ST8SIA6: variants seen among roughly 807,000 people sequenced by gnomAD.
ST8SIA6 encodes alpha-2,8-sialyltransferase 8F.
Under a neutral mutation model 33.6 loss-of-function variants are expected in ST8SIA6, and 39 were observed. That is an observed-to-expected ratio of 1.16 (90% CI 0.90 to 1.52). The LOEUF (loss-of-function observed/expected upper bound fraction) is 1.52, where lower values mean the gene tolerates loss of function less well. ST8SIA6 is among the 40% of genes most tolerant of loss of function. ST8SIA6 has a pLI of 0.00. For synonymous variants in ST8SIA6, 172 were observed against 167.2 expected (o/e 1.03, Z -0.22); for missense variants, 441 against 443.8 (o/e 0.99, Z 0.06).
At chr10:17,420,893 ATCT>A (rs995414962) in intron 2 of ST8SIA6, among the ~76,000 whole-genome samples, 7 of 152,212 alleles carry the variant, frequency 4.6e-5, no homozygotes, top group African/African-American at 1.4e-4. Context: ...AAGCTGGCAC[ATCT>A]TCTAACAGGG....
At chr10:17,362,698 A>T (rs1231238952) in intron 3 of ST8SIA6, among the ~76,000 whole-genome samples, 1 of 152,054 alleles carries the variant, frequency 6.6e-6, no homozygotes, top group Non-Finnish European at 1.5e-5. Flanking sequence ...TGTTTTCATT[A>T]ACCTAGGAAA....
At chr10:17,402,691 G>A (rs553775657) in intron 2 of ST8SIA6, among the ~76,000 whole-genome samples, 14 of 151,948 alleles carry the variant, frequency 9.2e-5, no homozygotes, top group East Asian at 3.9e-4. Context: ...ACCAAACACC[G>A]CATGTTCTCA....
intron 4 of ST8SIA6, among the ~76,000 whole-genome samples, chr10:17,334,833 AC>A (rs1401385786): frequency 6.6e-6 from 1 of 152,040 alleles, no homozygotes; most frequent in African/African-American, 2.4e-5. Context: ...ATCTGAGTTA[AC>A]CCCCAACCTC....
intron 4 of ST8SIA6, among the ~76,000 whole-genome samples, chr10:17,344,755 C>T (rs913995590): frequency 1.3e-5 from 2 of 152,168 alleles, no homozygotes; most frequent in African/African-American, 4.8e-5. Flanking sequence ...CCAAATCCCT[C>T]CCTCGCAAGG....
intron 3 of ST8SIA6, among the ~76,000 whole-genome samples, chr10:17,371,395 CG>C (rs983553781): frequency 3.9e-5 from 6 of 152,062 alleles, no homozygotes; most frequent in Admixed American, 2.6e-4. Flanking sequence ...AATGAGGTCC[CG>C]GATGGATGAG....
intron 3 of ST8SIA6, among the ~76,000 whole-genome samples, chr10:17,374,071 C>CACACACA (rs1225769260): frequency 2.9e-4 from 41 of 139,100 alleles, no homozygotes; most frequent in East Asian, 4.2e-4. Context: ...TCAACAACCA[C>CACACACA]CACACACACA....
At chr10:17,434,627 G>A (rs45443400) in intron 2 of ST8SIA6, among the ~76,000 whole-genome samples, 148 of 152,180 alleles carry the variant, frequency 9.7e-4, no homozygotes, top group Non-Finnish European at 1.8e-3. Context: ...TGAATGAGGC[G>A]GATGTGCTTA....
Position 17,453,571 on chromosome 10 carries a change from C to A in ST8SIA6, c.188G>T (p.Arg63Leu). Reference sequence around the variant, plus strand: ...GGCGCCGCTGTACCTGTTAGTGGCGCGCGGTACCGCGGTCGCCGGGCTCCG... The same window carrying A: ...GGCGCCGCTGTACCTGTTAGTGGCGAGCGGTACCGCGGTCGCCGGGCTCCG... ...TLRSPATAVP[R>L]ATNSTYLNEK... Residue 63 changes from arginine (R) to leucine (L), a missense_variant, in exon 2 of 8, where the codon CGC (arginine) becomes CTC (leucine). Arg to Leu is a moderately radical substitution (Grantham distance 102, BLOSUM62 -2). Transcript: ENST00000377602. 7.6e-7 allele frequency: 1 copy of A among 1,319,482 alleles called. No individual in the cohort carries two copies. The highest frequency in any genetic ancestry group is 9.7e-7 in the Non-Finnish European group (1 of 1,027,088). The allele number at this position is 1,319,482 out of a possible 1,614,324, so 81.7% of individuals were successfully genotyped here.
At position 17,342,843 on chromosome 10, in the gene ST8SIA6, G is replaced by A. The variant is rs1181504683; in HGVS notation, c.378-11291C>T. 4.6e-5 allele frequency among the ~76,000 whole-genome samples: 7 copies of A among 152,266 alleles called. 1 individual carries two copies. Among genetic ancestry groups the A allele is most frequent in the Admixed American group, 3.3e-4 (5 of 15,294 alleles). On this transcript the variant is annotated intron_variant, in intron 4 of 7. Transcript: ENST00000377602. ...GGGTGCCTGTAGTCCCAGCTACTCA[G>A]GAGGCTGAGGTGGGAGGATCGCTTG...
At chr10:17,390,426 G>A (rs895095889) in intron 3 of ST8SIA6, 105 bp downstream of exon 3, 3 of 964,364 alleles carry the variant, frequency 3.1e-6, no homozygotes, top group South Asian at 1.6e-5. Context: ...GTAAGCCTGA[G>A]AGTGAACAGT....
At chr10:17,324,366 C>T (rs1464443902) in intron 6 of ST8SIA6, among the ~76,000 whole-genome samples, 3 of 151,836 alleles carry the variant, frequency 2.0e-5, no homozygotes, top group Non-Finnish European at 4.4e-5. Flanking sequence ...AAATACGGCA[C>T]CTTGGTAAAA....
At chr10:17,446,468 G>T (rs994106399) in intron 2 of ST8SIA6, among the ~76,000 whole-genome samples, 3 of 152,168 alleles carry the variant, frequency 2.0e-5, no homozygotes, top group Non-Finnish European at 4.4e-5. Flanking sequence ...ATACAGTAAG[G>T]TTCAGGCTGA....
At chr10:17,386,918 C>A (rs1333994186) in intron 3 of ST8SIA6, 3 of 152,304 alleles carry the variant, frequency 2.0e-5, no homozygotes, top group Admixed American at 6.5e-5. Context: ...AGCCGCCTTG[C>A]GCCTTGGGAC....
chr10:17,350,329 G>A (rs925603049), intron 4 of ST8SIA6, among the ~76,000 whole-genome samples: 3 of 152,148 alleles, frequency 2.0e-5, no homozygotes, highest in African/African-American at 7.2e-5. Flanking sequence ...AAATAAAATC[G>A]AGATGGCATG....
rs756588667 is a variant in ST8SIA6, at chr10:17,331,428, T to C, written c.502A>G (p.Ile168Val). 21 of 1,613,026 alleles carry C rather than the reference T, an allele frequency of 1.3e-5. No homozygotes were observed. The Admixed American group carries it at 1.7e-4, about 13-fold the overall frequency. Residue 168 changes from isoleucine (I) to valine (V), a missense_variant, in exon 5 of 8, where the codon ATT (isoleucine) becomes GTT (valine). Ile to Val is a conservative substitution (Grantham distance 29). Transcript: ENST00000377602. Reference sequence around the variant, plus strand: ...CTCACCACTGGAAACATATGAAAAATGTTCTTCTTAATTGGGATTTCTTTT... The same window carrying C: ...CTCACCACTGGAAACATATGAAAAACGTTCTTCTTAATTGGGATTTCTTTT... ...SKKEIPIKKN[I>V]FHMFPVSQPF...
chr10:17,453,564 A>G lies in ST8SIA6; in HGVS notation c.195T>C (p.Thr65=). 1 of 1,327,758 alleles carries G rather than the reference A, an allele frequency of 7.5e-7. No homozygotes were observed. Among genetic ancestry groups the G allele is most frequent in the South Asian group, 2.4e-5 (1 of 41,614 alleles). 82.2% of individuals were successfully genotyped at this position (1,327,758 alleles called of 1,614,324 possible). Residue 65 remains threonine, a synonymous_variant, in exon 2 of 8, where the codon ACT becomes ACC. Coordinates refer to ENST00000377602, the MANE Select transcript of ST8SIA6 (RefSeq NM_001004470.3). ...RSPATAVPRA[T]NSTYLNEKSL... ...CGCGCTGGGCGCCGCTGTACCTGTT[A>G]GTGGCGCGCGGTACCGCGGTCGCCG...
intron 4 of ST8SIA6, among the ~76,000 whole-genome samples, chr10:17,357,372 G>A (rs1180810647): frequency 6.6e-6 from 1 of 150,818 alleles, no homozygotes; most frequent in Admixed American, 6.7e-5. Context: ...TCCTGATCTC[G>A]TGATCCACCT....
At chr10:17,399,558 C>G (rs1173498874) in intron 2 of ST8SIA6, among the ~76,000 whole-genome samples, 1 of 152,182 alleles carries the variant, frequency 6.6e-6, no homozygotes, top group Non-Finnish European at 1.5e-5. Flanking sequence ...AGCTAGCTCT[C>G]TGCTTCTGAG....
chr10:17,327,935 TAAAATA>T (rs1029885730), intron 5 of ST8SIA6, among the ~76,000 whole-genome samples: 1 of 150,328 alleles, frequency 6.7e-6, no homozygotes, highest in African/African-American at 2.4e-5. Flanking sequence ...GTAAGTAAAA[TAAAATA>T]AAATAAATCA....
Sources: gnomAD v4.1 joint callset for allele counts (sites outside exome capture counted in the v4.1 genomes callset) on GRCh38, gnomAD v4.1.1 for gene constraint, MANE v1.5 for transcripts, NCBI Gene and HGNC (gene_info 2026-07-23, HGNC 2026-07-21) for gene names.